DYNC2H1: variants seen among roughly 807,000 people sequenced by gnomAD.
DYNC2H1 encodes the protein dynein cytoplasmic 2 heavy chain 1.
A neutral mutation model predicts 570.0 loss-of-function variants in DYNC2H1; 410 were observed. The observed-to-expected ratio is 0.72, with a 90% CI of 0.66 to 0.78. The LOEUF (loss-of-function observed/expected upper bound fraction) is 0.78. Among genes scored for constraint, DYNC2H1 ranks in the 30% least tolerant of loss-of-function variants. The probability of loss-of-function intolerance (pLI) is 0.00; values close to 1 mark genes in which losing one functional copy is unlikely to be tolerated. For missense variants in DYNC2H1, 4,865 were observed against 5,046.4 expected (o/e 0.96, Z 1.09); for synonymous variants, 1,688 against 1,677.6 (o/e 1.01, Z -0.15).
chr11:103,463,141 C>G (rs1399421742), intron 87 of DYNC2H1, among the ~76,000 whole-genome samples: 3 of 151,996 alleles, frequency 2.0e-5, no homozygotes, highest in African/African-American at 7.3e-5. Context: ...TGTGATTCAT[C>G]CACTCTTATC....
In DYNC2H1 at chr11:103,158,938, A is replaced by G. The variant is rs769013734; in HGVS notation, c.4289A>G (p.Tyr1430Cys). Residue 1430 changes from tyrosine (Y) to cysteine (C), a missense_variant, in exon 28 of 89, where the codon TAT becomes TGT. Tyr to Cys is a radical substitution (Grantham distance 194, BLOSUM62 -2). Coordinates refer to ENST00000375735, the MANE Select transcript of DYNC2H1 (RefSeq NM_001377.3). ...AAACGCTCAGCATTCCCAAGATTTT[A>G]TTTTATTGGTGATGATGACTTATTA... is the stretch of plus-strand genomic sequence containing the variant. ...EEKRSAFPRF[Y>C]FIGDDDLLEI... The G allele has an allele frequency of 6.2e-7, 1 of 1,610,886 alleles. No homozygotes were observed. Among genetic ancestry groups the G allele is most frequent in the East Asian group, 2.2e-5 (1 of 44,826 alleles).
chr11:103,154,544 C>G lies in DYNC2H1; in HGVS notation c.3396C>G (p.Ala1132=). 1 of 1,594,446 alleles carries G rather than the reference C, an allele frequency of 6.3e-7. No homozygotes were observed. Among genetic ancestry groups the G allele is most frequent in the Non-Finnish European group, 8.5e-7 (1 of 1,170,696 alleles). ...TCGAGAGCTGTGCCCAAATTTGGGCCTTTTATGAAGAGTTTCAACAAGGAT... is the reference window on the plus strand; with the variant it reads ...TCGAGAGCTGTGCCCAAATTTGGGCGTTTTATGAAGAGTTTCAACAAGGAT... ...KDIESCAQIW[A]FYEEFQQGFQ... The change falls in exon 23 of 89, where the codon GCC becomes GCG. Residue 1132 remains alanine, a synonymous_variant. Transcript: ENST00000375735.
At chr11:103,410,874 G>A (rs1279301614) in intron 84 of DYNC2H1, among the ~76,000 whole-genome samples, 3 of 152,240 alleles carry the variant, frequency 2.0e-5, no homozygotes, top group Admixed American at 6.5e-5. Flanking sequence ...TAGCTTAAAC[G>A]TTCATTTATT....
intron 5 of DYNC2H1, 121 bp from the exon 6 acceptor site, chr11:103,117,510 T>C: frequency 1.3e-6 from 1 of 775,480 alleles, no homozygotes; most frequent in East Asian, 2.8e-5. Flanking sequence ...ATGTGGTATT[T>C]CATAGATCCT....
chr11:103,257,810 T>A, intron 69 of DYNC2H1, 59 bp downstream of exon 69: 1 of 1,300,286 alleles, frequency 7.7e-7, no homozygotes, highest in Non-Finnish European at 9.8e-7. Context: ...TTACTAGGGA[T>A]AGTACTTAAT....
intron 59 of DYNC2H1, among the ~76,000 whole-genome samples, chr11:103,224,035 C>T (rs933952439): frequency 6.6e-6 from 1 of 151,994 alleles, no homozygotes; most frequent in Non-Finnish European, 1.5e-5. Context: ...CATAAGCCAC[C>T]GTGCCTTGCT....
chr11:103,394,472 C>G (rs1042709283), intron 83 of DYNC2H1, among the ~76,000 whole-genome samples: 1 of 151,946 alleles, frequency 6.6e-6, no homozygotes, highest in Non-Finnish European at 1.5e-5. Flanking sequence ...TGTGCAAATA[C>G]TACCCCATTT....
At chr11:103,206,928 GT>G (rs1014145063) in intron 52 of DYNC2H1, among the ~76,000 whole-genome samples, 2 of 150,504 alleles carry the variant, frequency 1.3e-5, no homozygotes, top group East Asian at 3.9e-4. Context: ...AAATAGTTTT[GT>G]TTTTTTTTCC....
rs986726137 is a variant in DYNC2H1, at chr11:103,299,022, T to C, written c.11096-4071T>C. Reference sequence around the variant, plus strand: ...GACCAGATGCAAGTATTCTTACTTCTGTAATTCTGATATAATTTTGACTTA... The same window carrying C: ...GACCAGATGCAAGTATTCTTACTTCCGTAATTCTGATATAATTTTGACTTA... On this transcript the variant is annotated intron_variant, in intron 75 of 88. Coordinates refer to ENST00000375735, the MANE Select transcript of DYNC2H1 (RefSeq NM_001377.3). The surrounding 1 kb of genome is among the most constrained non-coding windows in gnomAD (Gnocchi z 4.5). Among the ~76,000 whole-genome samples, 1 of 152,146 alleles carries C rather than the reference T, an allele frequency of 6.6e-6. No individual in the cohort carries two copies. Among genetic ancestry groups the C allele is most frequent in the African/African-American group, 2.4e-5 (1 of 41,452 alleles).
intron 13 of DYNC2H1, among the ~76,000 whole-genome samples, chr11:103,131,445 G>C (rs573474779): frequency 6.6e-6 from 1 of 151,988 alleles, no homozygotes; most frequent in Non-Finnish European, 1.5e-5. Context: ...CCACCACCAT[G>C]CCCAGCTAAT....
intron 47 of DYNC2H1, among the ~76,000 whole-genome samples, chr11:103,196,311 G>T (rs1862504776): frequency 6.6e-6 from 1 of 152,138 alleles, no homozygotes. Context: ...CATGTGCTTT[G>T]AATGTTTGCA....
intron 87 of DYNC2H1, among the ~76,000 whole-genome samples, chr11:103,459,553 TC>T: frequency 6.6e-6 from 1 of 152,062 alleles, no homozygotes; most frequent in East Asian, 1.9e-4. Flanking sequence ...TAGTAGGTGT[TC>T]CTAGCATCGG....
At chr11:103,307,963 T>C (rs1867375933) in intron 78 of DYNC2H1, 132 bp downstream of exon 78, 1 of 438,154 alleles carries the variant, frequency 2.3e-6, no homozygotes, top group African/African-American at 2.0e-5. Context: ...TATACATAGA[T>C]AATAGCATAA....
intron 47 of DYNC2H1, among the ~76,000 whole-genome samples, chr11:103,197,351 G>A (rs1274888269): frequency 6.6e-6 from 1 of 152,108 alleles, no homozygotes; most frequent in Non-Finnish European, 1.5e-5. Context: ...TTCATTTCAG[G>A]AGAAAGAAGT....
intron 70 of DYNC2H1, among the ~76,000 whole-genome samples, chr11:103,260,579 T>G (rs1349320369): frequency 6.6e-6 from 1 of 152,060 alleles, no homozygotes; most frequent in Non-Finnish European, 1.5e-5. Flanking sequence ...TTTTAGAAAT[T>G]TTAGATATTA....
rs768760103 is a variant in DYNC2H1 at position 103,113,628 on chromosome 11, T to C, written c.287T>C (p.Leu96Pro). Reference protein sequence around the residue: ...ITDENLHDNILVSSMLESPIS... With the variant: ...ITDENLHDNIPVSSMLESPIS... Reference sequence around the variant, plus strand: ...GATGAGAATCTACATGATAACATTCTTGTTTCATCTATGTTAGAGTCACCT... The same window carrying C: ...GATGAGAATCTACATGATAACATTCCTGTTTCATCTATGTTAGAGTCACCT... The change falls in exon 2 of 89, where the codon CTT becomes CCT. Residue 96 changes from leucine (L) to proline (P), a missense_variant. Coordinates refer to ENST00000375735, the MANE Select transcript of DYNC2H1 (RefSeq NM_001377.3). 8.2e-6 allele frequency: 13 copies of C among 1,577,092 alleles called. No individual in the cohort carries two copies. The highest frequency in any genetic ancestry group is 1.2e-5 in the South Asian group (1 of 81,428).
intron 59 of DYNC2H1, 92 bp downstream of exon 59, chr11:103,223,178 T>G: frequency 7.9e-7 from 1 of 1,266,896 alleles, no homozygotes; most frequent in East Asian, 2.9e-5. Flanking sequence ...TTTTCTCTAT[T>G]TGTAAAATGG....
At chr11:103,423,385 T>G in intron 84 of DYNC2H1, among the ~76,000 whole-genome samples, 1 of 108,998 alleles carries the variant, frequency 9.2e-6, no homozygotes, top group Non-Finnish European at 2.1e-5. Flanking sequence ...CTAGAGTAAT[T>G]AAATAGCCAA....
At chr11:103,429,700 G>A (rs1348725460) in intron 84 of DYNC2H1, among the ~76,000 whole-genome samples, 1 of 152,160 alleles carries the variant, frequency 6.6e-6, no homozygotes, top group Non-Finnish European at 1.5e-5. Context: ...TGTGAAATAG[G>A]TTTTAGTTAT....
Sources: gnomAD v4.1 joint callset for allele counts (sites outside exome capture counted in the v4.1 genomes callset) on GRCh38, gnomAD v4.1.1 for gene constraint, Gnocchi (gnomAD v3.1) non-coding constraint, MANE v1.5 for transcripts, NCBI Gene and HGNC (gene_info 2026-07-23, HGNC 2026-07-21) for gene names.